SORCS3: variants seen among roughly 807,000 people sequenced by gnomAD.
The protein encoded by SORCS3 is sortilin related VPS10 domain containing receptor 3, also known as VPS10 domain-containing receptor SorCS3.
SORCS3 carries 57 observed loss-of-function variants against 146.3 expected under a neutral mutation model. The observed-to-expected ratio is 0.39, with a 90% CI of 0.31 to 0.49. The LOEUF is 0.49. Ranked by LOEUF, SORCS3 falls within the 20% of genes least tolerant of loss-of-function variation. The pLI, the probability that SORCS3 is intolerant of heterozygous loss-of-function variation, is 0.92. For missense variants in SORCS3, 1,341 were observed against 1,575.5 expected (o/e 0.85, Z 2.52); for synonymous variants, 653 against 618.5 (o/e 1.06, Z -0.83).
chr10:105,103,288 A>C (rs995007407), intron 6 of SORCS3, among the ~76,000 whole-genome samples: 4 of 152,106 alleles, frequency 2.6e-5, no homozygotes, highest in African/African-American at 9.7e-5. Context: ...TTTTACTCTC[A>C]TACATAATTT....
At position 105,139,502 on chromosome 10, in the gene SORCS3, C is replaced by T. The variant is rs1302696975; in HGVS notation, c.1302+16C>T. ...GTTGCCAAAGGTACTGCATGCACCA[C>T]TAGCGGTCCTGGGTCCCTCTAGGCA... On this transcript the variant is annotated intron_variant, in intron 8 of 26. Coordinates refer to ENST00000369701, the MANE Select transcript of SORCS3 (RefSeq NM_014978.3). 1 of 1,602,654 alleles carries T rather than the reference C, an allele frequency of 6.2e-7. No individual in the cohort carries two copies. Among genetic ancestry groups the T allele is most frequent in the East Asian group, 2.2e-5 (1 of 44,746 alleles).
chr10:104,881,801 C>A (rs995631851), intron 2 of SORCS3, among the ~76,000 whole-genome samples: 2 of 152,176 alleles, frequency 1.3e-5, no homozygotes, highest in Non-Finnish European at 2.9e-5. Context: ...GATGCTAGCA[C>A]CAGCTCCATC....
intron 6 of SORCS3, among the ~76,000 whole-genome samples, chr10:105,094,695 A>C (rs1272265162): frequency 1.3e-5 from 2 of 152,230 alleles, no homozygotes; most frequent in Non-Finnish European, 2.9e-5. Context: ...GTGTTGAATC[A>C]TAAATGAGAT....
At chr10:105,229,474 T>C (rs1724819606) in intron 20 of SORCS3, among the ~76,000 whole-genome samples, 1 of 152,224 alleles carries the variant, frequency 6.6e-6, no homozygotes, top group South Asian at 2.1e-4. Flanking sequence ...GGTATAATGG[T>C]TACTTCTTCC....
At chr10:105,134,645 A>C (rs971697331) in intron 7 of SORCS3, among the ~76,000 whole-genome samples, 1 of 152,068 alleles carries the variant, frequency 6.6e-6, no homozygotes, top group Admixed American at 6.6e-5. Flanking sequence ...CTCATGGCCT[A>C]ATCACCTCTT....
intron 2 of SORCS3, among the ~76,000 whole-genome samples, chr10:104,881,843 C>A (rs1322187935): frequency 6.6e-6 from 1 of 152,190 alleles, no homozygotes; most frequent in East Asian, 1.9e-4. Context: ...GGAGAAGCCA[C>A]TTTACTCTCT....
chr10:104,983,279 G>A (rs756534643), intron 4 of SORCS3, among the ~76,000 whole-genome samples: 3 of 151,730 alleles, frequency 2.0e-5, no homozygotes, highest in Admixed American at 6.6e-5. Flanking sequence ...TGAATTTACA[G>A]GTGTGAACCA....
intron 9 of SORCS3, among the ~76,000 whole-genome samples, chr10:105,151,394 A>G (rs1489047052): frequency 1.3e-5 from 2 of 152,138 alleles, no homozygotes; most frequent in Admixed American, 6.6e-5. Context: ...CCTCATATTT[A>G]CATACCCAGA....
At chr10:104,778,922 A>C (rs1166198574) in intron 1 of SORCS3, among the ~76,000 whole-genome samples, 2 of 151,396 alleles carry the variant, frequency 1.3e-5, no homozygotes, top group African/African-American at 4.8e-5. Flanking sequence ...CCTATGTGGC[A>C]AAAGGGACTT....
rs59554883 is a variant in SORCS3, at chr10:105,087,487, G to GAAAAAA, written c.1029-2280_1029-2275dup. On this transcript the variant is annotated intron_variant, in intron 5 of 26. Coordinates refer to ENST00000369701, the MANE Select transcript of SORCS3 (RefSeq NM_014978.3). ...ACAAAATGAGACATTTCTCTTCTGG[G>GAAAAAA]AAAAAAAAAAAAAGAAAGAAAGAAA... 3.0e-3 allele frequency among the ~76,000 whole-genome samples: 430 copies of GAAAAAA among 142,232 alleles called. 3 individuals carry two copies. Among genetic ancestry groups the GAAAAAA allele is most frequent in the Middle Eastern group, 7.4e-3 (2 of 270 alleles). 93.3% of individuals were successfully genotyped at this position (142,232 alleles called of 152,430 possible).
intron 3 of SORCS3, among the ~76,000 whole-genome samples, chr10:104,961,839 T>TG (rs1454546451): frequency 4.6e-5 from 7 of 152,046 alleles, no homozygotes; most frequent in African/African-American, 1.7e-4. Context: ...AACCTTTGAG[T>TG]GACCTTCACT....
chr10:105,036,564 A>C (rs2055307848), intron 4 of SORCS3, among the ~76,000 whole-genome samples: 1 of 152,128 alleles, frequency 6.6e-6, no homozygotes, highest in Non-Finnish European at 1.5e-5. Flanking sequence ...ACAGCTGGAG[A>C]TGGAAGCTCT....
chr10:104,924,137 T>C (rs191647149), intron 3 of SORCS3, among the ~76,000 whole-genome samples: 2 of 152,338 alleles, frequency 1.3e-5, no homozygotes, highest in Non-Finnish European at 2.9e-5. Context: ...TCCATTCATA[T>C]TTAATTCTTA....
At chr10:104,844,656 CTCTG>C (rs2018183770) in intron 2 of SORCS3, among the ~76,000 whole-genome samples, 1 of 152,134 alleles carries the variant, frequency 6.6e-6, no homozygotes, top group Admixed American at 6.5e-5. Context: ...TTTACTTAAT[CTCTG>C]TCTATTAGTT....
chr10:104,860,255 T>C (rs1457343020), intron 2 of SORCS3, among the ~76,000 whole-genome samples: 2 of 112,774 alleles, frequency 1.8e-5, no homozygotes, highest in East Asian at 6.7e-4. Context: ...AATGATGAGT[T>C]CATGTCCTTT....
chr10:104,941,646 A>G (rs1008021278), intron 3 of SORCS3, among the ~76,000 whole-genome samples: 4 of 152,200 alleles, frequency 2.6e-5, no homozygotes, highest in African/African-American at 9.6e-5. Context: ...CTACTATCCA[A>G]TTAAAACTTT....
intron 1 of SORCS3, among the ~76,000 whole-genome samples, chr10:104,685,656 A>G (rs2016035510): frequency 6.6e-6 from 1 of 152,226 alleles, no homozygotes; most frequent in African/African-American, 2.4e-5. Flanking sequence ...AAGCCCTTAA[A>G]AAAACTTACA....
intron 2 of SORCS3, among the ~76,000 whole-genome samples, chr10:104,844,161 G>A (rs2018178195): frequency 6.6e-6 from 1 of 152,180 alleles, no homozygotes; most frequent in South Asian, 2.1e-4. Flanking sequence ...TTGCTGCTCA[G>A]TGAAAATTGG....
chr10:104,661,268 C>T (rs1407864422), intron 1 of SORCS3, among the ~76,000 whole-genome samples: 6 of 152,096 alleles, frequency 3.9e-5, no homozygotes, highest in Non-Finnish European at 5.9e-5. Context: ...GGAATGAGGA[C>T]GAGTCTTGTA....
Sources: allele counts gnomAD v4.1 joint callset (sites outside exome capture counted in the v4.1 genomes callset), GRCh38; gene constraint gnomAD v4.1.1; transcripts MANE v1.5; gene names NCBI Gene and HGNC (gene_info 2026-07-23, HGNC 2026-07-21).